The following UBR4 variants were observed in gnomAD, a reference collection of about 807,000 sequenced individuals.
UBR4 encodes E3 ubiquitin-protein ligase UBR4.
In UBR4, 124 loss-of-function variants were observed where a neutral mutation model predicts 575.6. The observed-to-expected ratio is 0.22, with a 90% confidence interval of 0.19 to 0.25. UBR4 has a LOEUF of 0.25. Ranked by LOEUF, UBR4 falls within the 10% of genes least tolerant of loss-of-function variation. UBR4 has a pLI of 1.00. For synonymous variants in UBR4, 2,455 were observed against 2,473.7 expected (o/e 0.99, Z 0.22); for missense variants, 4,818 against 6,478.8 (o/e 0.74, Z 8.80).
intron 25 of UBR4, among the ~76,000 whole-genome samples, chr1:19,172,472 G>A (rs561261861): frequency 9.2e-5 from 14 of 152,198 alleles, no homozygotes; most frequent in Middle Eastern, 3.4e-3. Flanking sequence ...AGCCAAGATC[G>A]CACCATTGCA....
At chr1:19,136,584 A>G (rs2083222300) in intron 60 of UBR4, among the ~76,000 whole-genome samples, 1 of 152,228 alleles carries the variant, frequency 6.6e-6, no homozygotes, top group Admixed American at 6.5e-5. Context: ...GGCCACAAAG[A>G]AAAGGACACA....
chr1:19,092,463 A>G (rs2077618725), intron 97 of UBR4, among the ~76,000 whole-genome samples: 1 of 151,472 alleles, frequency 6.6e-6, no homozygotes, highest in African/African-American at 2.5e-5. Flanking sequence ...GGGACTCCCT[A>G]AGAACAAGGG....
chr1:19,157,722 A>G lies in UBR4; in HGVS notation c.5760+93T>C. ...TAGAACGCAGTGGACTTTTTCCCAC[A>G]GAGGGCTAATCCGAATGTGGTCATC... On this transcript the variant is annotated intron_variant, in intron 40 of 105. Coordinates refer to ENST00000375254, the MANE Select transcript of UBR4 (RefSeq NM_020765.3). This position sits in a 1 kb window ranked among gnomAD's most constrained non-coding sequence, Gnocchi z 4.4. 1 of 1,492,078 alleles carries G rather than the reference A, an allele frequency of 6.7e-7. No individual in the cohort carries two copies. Among genetic ancestry groups the G allele is most frequent in the South Asian group, 1.3e-5 (1 of 75,082 alleles). 92.4% of individuals were successfully genotyped at this position (1,492,078 alleles called of 1,614,324 possible).
chr1:19,151,823 T>C lies in UBR4; in HGVS notation c.7033A>G (p.Ser2345Gly). 6.2e-7 allele frequency: 1 copy of C among 1,611,760 alleles called. No homozygotes were observed. The highest frequency in any genetic ancestry group is 8.5e-7 in the Non-Finnish European group (1 of 1,178,574). The change falls in exon 48 of 106, where the codon AGC becomes GGC. Residue 2345 changes from serine (S) to glycine (G), a missense_variant. By Grantham distance (56) the Ser-to-Gly change is moderately conservative. Transcript: ENST00000375254. ...CGCATGCCTGTCATCACCATAGTGC[T>C]ATTGTTGTTACTAATCTCAATGGTG... ...GFTIEISNNN[S>G]TMVMTGMRIQ... is the part of the protein sequence containing the mutation.
In UBR4 at chr1:19,152,179, C is replaced by G. The variant is rs1021699089; in HGVS notation, c.6996+134G>C. ...AAGAATATCCATTTTTCTAAGGAAC[C>G]ATTTAACTAGAACCGAGGGTTGTGA... On this transcript the variant is annotated intron_variant, in intron 47 of 105. Coordinates refer to ENST00000375254, the MANE Select transcript of UBR4 (RefSeq NM_020765.3). This position sits in a 1 kb window ranked among gnomAD's most constrained non-coding sequence, Gnocchi z 4.4. The G allele has an allele frequency of 7.6e-6, 10 of 1,316,182 alleles. No individual in the cohort carries two copies. The highest frequency in any genetic ancestry group is 4.4e-5 in the African/African-American group (3 of 67,730). 81.5% of individuals were successfully genotyped at this position (1,316,182 alleles called of 1,614,324 possible).
Position 19,162,624 on chromosome 1 carries a change from C to A in UBR4, c.4765-13G>T. 1 of 1,596,194 alleles carries A rather than the reference C, an allele frequency of 6.3e-7. No homozygotes were observed. Among genetic ancestry groups the A allele is most frequent in the South Asian group, 1.1e-5 (1 of 89,028 alleles). Reference sequence around the variant, plus strand: ...AGATCATCACATGCTGTAAGAGAAGCCCCACAGCAACTTCAGATTCTCCAT... The same window carrying A: ...AGATCATCACATGCTGTAAGAGAAGACCCACAGCAACTTCAGATTCTCCAT... On this transcript the variant is annotated splice_polypyrimidine_tract_variant and intron_variant, in intron 34 of 105. Coordinates refer to ENST00000375254, the MANE Select transcript of UBR4 (RefSeq NM_020765.3).
chr1:19,082,981 A>AAAG (rs1438731038), intron 102 of UBR4, among the ~76,000 whole-genome samples: 1 of 152,210 alleles, frequency 6.6e-6, no homozygotes, highest in Non-Finnish European at 1.5e-5. Flanking sequence ...GCCGAGAAGC[A>AAAG]AGGCCTCTCT....
At chr1:19,190,312 A>AAAT in intron 11 of UBR4, among the ~76,000 whole-genome samples, 10 of 79,916 alleles carry the variant, frequency 1.3e-4, no homozygotes, top group East Asian at 1.2e-3. Flanking sequence ...AAAAAAAAAA[A>AAAT]ATATATATAT....
At position 19,115,654 on chromosome 1, in the gene UBR4, G is replaced by T. The variant is rs1378852458; in HGVS notation, c.10824-17C>A. On this transcript the variant is annotated splice_polypyrimidine_tract_variant and intron_variant, in intron 73 of 105. Transcript: ENST00000375254. ...CGAGCTGGCCTAGGAAAGACAGACA[G>T]CCTTGAGATTTTCTCATCTAACCCT... is the stretch of plus-strand genomic sequence containing the variant. 1 of 1,613,094 alleles carries T rather than the reference G, an allele frequency of 6.2e-7. No homozygotes were observed. Among genetic ancestry groups the T allele is most frequent in the Non-Finnish European group, 8.5e-7 (1 of 1,179,418 alleles).
chr1:19,118,922 C>T lies in UBR4; in HGVS notation c.10491G>A (p.Leu3497=). The change falls in exon 71 of 106, where the codon CTG becomes CTA. Residue 3497 remains leucine (L), a synonymous_variant. Transcript: ENST00000375254. ...KEYSQKAVEI[L]RTQNHILTNH... is the part of the protein sequence containing the mutation. ...TGGTAAGAATATGGTTTTGAGTCCG[C>T]AGAATCTCCACAGCCTTCTGTGAAT... The T allele has an allele frequency of 6.2e-7, 1 of 1,614,178 alleles. No individual in the cohort carries two copies. The highest frequency in any genetic ancestry group is 8.5e-7 in the Non-Finnish European group (1 of 1,180,020).
At chr1:19,127,783 G>T in intron 62 of UBR4, 44 bp from the exon 63 acceptor site, 3 of 1,482,078 alleles carry the variant, frequency 2.0e-6, no homozygotes, top group Non-Finnish European at 2.8e-6. Flanking sequence ...CTTACTCGAT[G>T]CTTGAGGCAT....
chr1:19,199,779 A>C, intron 2 of UBR4, 25 bp from the exon 3 acceptor site: 1 of 1,588,096 alleles, frequency 6.3e-7, no homozygotes, highest in African/African-American at 1.3e-5. Flanking sequence ...AACATTACTC[A>C]ATTTCAGACT....
rs763778219 is a variant in UBR4 at position 19,144,772 on chromosome 1, G to A, written c.8067+14C>T. ...TGGCTGCTGCGAGCTCTCTGGGATTGTAATGCTACGTACAGGACACAAGAG... is the reference window on the plus strand; with the variant it reads ...TGGCTGCTGCGAGCTCTCTGGGATTATAATGCTACGTACAGGACACAAGAG... On this transcript the variant is annotated intron_variant, in intron 54 of 105. Coordinates refer to ENST00000375254, the MANE Select transcript of UBR4 (RefSeq NM_020765.3). The A allele has an allele frequency of 6.2e-7, 1 of 1,608,550 alleles. No homozygotes were observed. Among genetic ancestry groups the A allele is most frequent in the Non-Finnish European group, 8.5e-7 (1 of 1,177,678 alleles).
chr1:19,097,910 A>G (rs2078215237), intron 90 of UBR4, among the ~76,000 whole-genome samples: 1 of 152,254 alleles, frequency 6.6e-6, no homozygotes, highest in African/African-American at 2.4e-5. Flanking sequence ...TCTGACTAGA[A>G]TGATAAGAAT....
In UBR4 at chr1:19,100,306, C is replaced by A. The variant is rs1260653464; in HGVS notation, c.13221+70G>T. 2 of 1,562,994 alleles carry A rather than the reference C, an allele frequency of 1.3e-6. No homozygotes were observed. The highest frequency in any genetic ancestry group is 2.7e-5 in the African/African-American group (2 of 73,740). On this transcript the variant is annotated intron_variant, in intron 89 of 105. Coordinates refer to ENST00000375254, the MANE Select transcript of UBR4 (RefSeq NM_020765.3). This position sits in a 1 kb window ranked among gnomAD's most constrained non-coding sequence, Gnocchi z 4.2. ...GTTAATCAGCTACTAGGAAGAAGCA[C>A]CTGGATTTGGTTAGCCTAGGAGGAA...
At chr1:19,082,919 C>G (rs1275935218) in intron 102 of UBR4, among the ~76,000 whole-genome samples, 1 of 152,194 alleles carries the variant, frequency 6.6e-6, no homozygotes, top group African/African-American at 2.4e-5. Context: ...CCCACTGTGA[C>G]CAAGCTCCCA....
chr1:19,083,756 G>A (rs2076748699), intron 102 of UBR4, among the ~76,000 whole-genome samples: 1 of 152,164 alleles, frequency 6.6e-6, no homozygotes, highest in African/African-American at 2.4e-5. Flanking sequence ...CTGGGCTCAA[G>A]CAATCCTCTT....
chr1:19,153,231 C>T lies in UBR4; in HGVS notation c.6832+70G>A, dbSNP rs2085979039. On this transcript the variant is annotated intron_variant, in intron 46 of 105. Transcript: ENST00000375254. This position sits in a 1 kb window ranked among gnomAD's most constrained non-coding sequence, Gnocchi z 4.1. ...TTTCTTCACAGATATTTTCAACAGT[C>T]TATTCTGAGTCACTGTCTAGAAGAC... 4 of 1,497,620 alleles carry T rather than the reference C, an allele frequency of 2.7e-6. No homozygotes were observed. The highest frequency in any genetic ancestry group is 1.4e-5 in the African/African-American group (1 of 72,572). 92.8% of individuals were successfully genotyped at this position (1,497,620 alleles called of 1,614,324 possible). A position where few individuals can be genotyped will look rare whatever the true frequency, so the allele number is the denominator to read the frequency against.
At chr1:19,142,634 C>T (rs1402486164) in intron 55 of UBR4, among the ~76,000 whole-genome samples, 4 of 152,220 alleles carry the variant, frequency 2.6e-5, no homozygotes, top group South Asian at 2.1e-4. Context: ...GCACTTAAAA[C>T]ATGGCTGTCT....
Sources: allele counts gnomAD v4.1 joint callset (sites outside exome capture counted in the v4.1 genomes callset), GRCh38; gene constraint gnomAD v4.1.1; non-coding constraint Gnocchi (gnomAD v3.1); transcripts MANE v1.5; gene names NCBI Gene and HGNC (gene_info 2026-07-23, HGNC 2026-07-21).